DGKH: variants seen among roughly 807,000 people sequenced by gnomAD.
The protein encoded by DGKH is diacylglycerol kinase eta.
A neutral mutation model predicts 159.3 loss-of-function variants in DGKH; 90 were observed. The observed-to-expected ratio is 0.57, with a 90% CI of 0.48 to 0.67. DGKH has a LOEUF of 0.67. Among genes scored for constraint, DGKH ranks in the 30% least tolerant of loss-of-function variants. The pLI is 0.00. For missense variants in DGKH, 1,181 were observed against 1,506.1 expected, an observed-to-expected ratio of 0.78 and a Z score of 3.57; for synonymous variants, 536 against 553.8, an observed-to-expected ratio of 0.97 and a Z score of 0.45.
chr13:42,135,167 C>A (rs575582989), intron 3 of DGKH, among the ~76,000 whole-genome samples: 1 of 151,760 alleles, frequency 6.6e-6, no homozygotes, highest in Non-Finnish European at 1.5e-5. Context: ...TGGAAAAGGA[C>A]AATTTCTGAC....
intron 1 of DGKH, among the ~76,000 whole-genome samples, chr13:42,053,352 T>TTATATATATAAC (rs1201273914): frequency 1.4e-5 from 2 of 148,136 alleles, no homozygotes; most frequent in East Asian, 1.9e-4. Flanking sequence ...CTACTACTAA[T>TTATATATATAAC]TATATATATA....
rs1205458304 is a variant in DGKH, at chr13:42,127,587, A to T, written c.303+14A>T. The T allele has an allele frequency of 1.9e-6, 3 of 1,609,604 alleles. No homozygotes were observed. The highest frequency in any genetic ancestry group is 2.7e-5 in the African/African-American group (2 of 74,836). ...AAGGACTCAAAGGTAACTCACGAGA[A>T]TACTAGTTTCAAGCAATTGAGGCTA... On this transcript the variant is annotated intron_variant, in intron 2 of 29. Transcript: ENST00000337343.
At chr13:42,256,054 AG>A in intron 30 of DGKH, 1 of 1,386,612 alleles carries the variant, frequency 7.2e-7, no homozygotes, top group Non-Finnish European at 1.0e-6. Context: ...GCCCTTGGTC[AG>A]GTCTGGGAGA....
chr13:42,069,586 G>A (rs367891607), intron 1 of DGKH: 4 of 1,554,486 alleles, frequency 2.6e-6, no homozygotes, highest in East Asian at 2.3e-5. Flanking sequence ...CGCTATCTGG[G>A]CTTTAACCAA....
intron 3 of DGKH, among the ~76,000 whole-genome samples, chr13:42,133,316 G>T (rs1344610486): frequency 1.3e-5 from 2 of 151,844 alleles, no homozygotes; most frequent in Non-Finnish European, 2.9e-5. Context: ...GTTTATTTTA[G>T]GCATGAGAAG....
rs1957584925 is a variant in DGKH at position 42,209,474 on chromosome 13, C to CA, written c.2850+14dup. ...TGCTAACAAGGGACAGAGTATGTAA[C>CA]AAAAACATTCTTCTAGAATATTGTC... On this transcript the variant is annotated intron_variant, in intron 23 of 29. Coordinates refer to ENST00000337343, the MANE Select transcript of DGKH (RefSeq NM_178009.5). 20 of 1,574,856 alleles carry CA rather than the reference C, an allele frequency of 1.3e-5. No homozygotes were observed. The highest frequency in any genetic ancestry group is 1.6e-5 in the Non-Finnish European group (19 of 1,165,382).
intron 13 of DGKH, among the ~76,000 whole-genome samples, chr13:42,184,708 T>A (rs573416643): frequency 1.9e-3 from 288 of 151,618 alleles, no homozygotes; most frequent in African/African-American, 6.3e-3. Flanking sequence ...CCAAAAAAAA[T>A]TTTTTTAAAT....
At chr13:42,121,115 C>T (rs1253712725) in intron 1 of DGKH, among the ~76,000 whole-genome samples, 3 of 140,116 alleles carry the variant, frequency 2.1e-5, no homozygotes, top group Non-Finnish European at 4.8e-5. Context: ...CACACACACG[C>T]ACACAAGACA....
intron 22 of DGKH, 29 bp from the exon 23 acceptor site, chr13:42,209,302 G>A (rs1436609563): frequency 1.3e-6 from 2 of 1,593,864 alleles, no homozygotes; most frequent in East Asian, 2.2e-5. Flanking sequence ...TGGATGATTT[G>A]TACTCTAAAA....
chr13:42,040,312 G>A (rs1555254017), intron 1 of DGKH, among the ~76,000 whole-genome samples: 1 of 152,158 alleles, frequency 6.6e-6, no homozygotes, highest in Non-Finnish European at 1.5e-5. Context: ...CAGCGCGGTG[G>A]CCAGCCTAGC....
At chr13:42,062,453 G>T (rs1882250131) in intron 1 of DGKH, among the ~76,000 whole-genome samples, 1 of 152,168 alleles carries the variant, frequency 6.6e-6, no homozygotes, top group African/African-American at 2.4e-5. Flanking sequence ...GAGATGAGTT[G>T]TAAATTTGAT....
At chr13:42,173,360 ACTTAT>A (rs1380185550) in intron 11 of DGKH, among the ~76,000 whole-genome samples, 1 of 152,176 alleles carries the variant, frequency 6.6e-6, no homozygotes, top group East Asian at 1.9e-4. Context: ...AGAAAACTGG[ACTTAT>A]CTTGAGTTGA....
intron 29 of DGKH, among the ~76,000 whole-genome samples, chr13:42,221,874 T>A (rs1329561349): frequency 6.6e-6 from 1 of 152,224 alleles, no homozygotes; most frequent in African/African-American, 2.4e-5. Flanking sequence ...TTTGTTGTAT[T>A]TCTAAGTCAG....
At chr13:42,072,237 T>TTGTGTTTGGA (rs1883023276) in intron 1 of DGKH, among the ~76,000 whole-genome samples, 1 of 152,202 alleles carries the variant, frequency 6.6e-6, no homozygotes, top group Admixed American at 6.5e-5. Context: ...ATCATGGACT[T>TTGTGTTTGGA]TGTGTTTTGA....
chr13:42,051,815 G>A (rs979347825), intron 1 of DGKH, among the ~76,000 whole-genome samples: 9 of 151,786 alleles, frequency 5.9e-5, no homozygotes, highest in East Asian at 3.9e-4. Context: ...ACAGGCATGC[G>A]CCACCACACC....
intron 28 of DGKH, 183 bp from the exon 29 acceptor site, chr13:42,221,081 G>A: frequency 1.4e-6 from 1 of 695,938 alleles, no homozygotes; most frequent in Non-Finnish European, 2.3e-6. Flanking sequence ...GGATCCTTGT[G>A]TTGATAGTGT....
In DGKH at chr13:42,207,108, T is replaced by TCTTTCTTTCTTA. The variant is rs1555276120; in HGVS notation, c.2601+968_2601+969insTTCTTACTTTCT. ...TTCTTTCTTTCTTTCTTTCTTTCTT[T>TCTTTCTTTCTTA]CTTTCTCTTTCTCTCTCCTTCCTTC... On this transcript the variant is annotated intron_variant, in intron 21 of 29. Transcript: ENST00000337343. Among the ~76,000 whole-genome samples the TCTTTCTTTCTTA allele has an allele frequency of 2.2e-5, 3 of 135,470 alleles. 1 individual carries two copies. Among genetic ancestry groups the TCTTTCTTTCTTA allele is most frequent in the Non-Finnish European group, 3.2e-5 (2 of 62,858 alleles). The allele number at this position is 135,470 out of a possible 152,430, so 88.9% of individuals were successfully genotyped here. A position where few individuals can be genotyped will look rare whatever the true frequency, so the allele number is the denominator to read the frequency against.
At chr13:42,217,746 C>A (rs933230917) in intron 26 of DGKH, among the ~76,000 whole-genome samples, 1 of 152,044 alleles carries the variant, frequency 6.6e-6, no homozygotes, top group African/African-American at 2.4e-5. Context: ...CAAAAATAAT[C>A]TAGTCGGCCA....
intron 1 of DGKH, among the ~76,000 whole-genome samples, chr13:42,040,371 G>T (rs1487403562): frequency 6.6e-6 from 1 of 152,020 alleles, no homozygotes; most frequent in South Asian, 2.1e-4. Flanking sequence ...CCCGGCCCCG[G>T]GGGAGGCCGC....
Sources: allele counts gnomAD v4.1 joint callset (sites outside exome capture counted in the v4.1 genomes callset), GRCh38; gene constraint gnomAD v4.1.1; transcripts MANE v1.5; gene names NCBI Gene and HGNC (gene_info 2026-07-23, HGNC 2026-07-21).